The following UBE4B variants were observed in gnomAD, a reference collection of about 807,000 sequenced individuals.
UBE4B encodes ubiquitin conjugation factor E4 B.
UBE4B carries 27 observed loss-of-function variants against 148.1 expected under a neutral mutation model. That is an observed-to-expected ratio of 0.18 (90% CI 0.13 to 0.25). The LOEUF (loss-of-function observed/expected upper bound fraction) is 0.25, where lower values mean the gene tolerates loss of function less well. Ranked by LOEUF, UBE4B falls within the 10% of genes least tolerant of loss-of-function variation. The pLI, the probability that UBE4B is intolerant of heterozygous loss-of-function variation, is 1.00. For missense variants in UBE4B, 1,170 were observed against 1,662.4 expected (o/e 0.70, Z 5.15); for synonymous variants, 596 against 619.3 (o/e 0.96, Z 0.56).
chr1:10,140,912 A>C (rs994847821), intron 17 of UBE4B, among the ~76,000 whole-genome samples: 1 of 152,224 alleles, frequency 6.6e-6, no homozygotes, highest in Non-Finnish European at 1.5e-5. Flanking sequence ...AGCTTCATTC[A>C]GTATAGGTCA....
chr1:10,049,380 C>T (rs945010640), intron 1 of UBE4B, among the ~76,000 whole-genome samples: 2 of 151,912 alleles, frequency 1.3e-5, no homozygotes, highest in African/African-American at 4.8e-5. Flanking sequence ...GCAGTTAATT[C>T]TGATGGGGAA....
intron 25 of UBE4B, among the ~76,000 whole-genome samples, chr1:10,178,383 C>G (rs1646458389): frequency 6.6e-6 from 1 of 152,124 alleles, no homozygotes; most frequent in Non-Finnish European, 1.5e-5. Context: ...TCCTGCAGCC[C>G]TCTCCAGAGG....
Position 10,161,999 on chromosome 1 carries a change from C to CTTTTTTTTTTTTTTTT in UBE4B, c.3198+714_3198+729dup, listed in dbSNP as rs764089127. Among the ~76,000 whole-genome samples the CTTTTTTTTTTTTTTTT allele has an allele frequency of 7.3e-6, 1 of 137,262 alleles. No individual in the cohort carries two copies. The highest frequency in any genetic ancestry group is 2.7e-5 in the African/African-American group (1 of 37,436). 90.0% of individuals were successfully genotyped at this position (137,262 alleles called of 152,430 possible). ...GGGGACTGCTTTTTCTTCACTTTTT[C>CTTTTTTTTTTTTTTTT]TTTTTTTTTTTTTTTTGAGACGGAG... On this transcript the variant is annotated intron_variant, in intron 23 of 27. Coordinates refer to ENST00000343090, the MANE Select transcript of UBE4B (RefSeq NM_001105562.3). The surrounding 1 kb of genome is among the most constrained non-coding windows in gnomAD (Gnocchi z 4.1).
intron 25 of UBE4B, among the ~76,000 whole-genome samples, chr1:10,176,875 T>A (rs1005152681): frequency 7.0e-6 from 1 of 142,274 alleles, no homozygotes; most frequent in African/African-American, 2.6e-5. Flanking sequence ...AACCTCCACC[T>A]CCCAGATTCA....
intron 4 of UBE4B, among the ~76,000 whole-genome samples, chr1:10,101,498 C>CTTTTTTTT (rs34066776): frequency 3.6e-5 from 2 of 56,178 alleles, no homozygotes; most frequent in Non-Finnish European, 6.5e-5. Context: ...TGGTCTTTTG[C>CTTTTTTTT]TTTTTTTTTT....
intron 1 of UBE4B, among the ~76,000 whole-genome samples, chr1:10,038,739 C>G (rs949726435): frequency 1.3e-5 from 2 of 152,140 alleles, no homozygotes; most frequent in Non-Finnish European, 2.9e-5. Context: ...ATGATGTGAT[C>G]AGGGCTTTTG....
chr1:10,071,966 C>T, intron 1 of UBE4B, 62 bp from the exon 2 acceptor site: 2 of 1,470,474 alleles, frequency 1.4e-6, no homozygotes, highest in Non-Finnish European at 1.8e-6. Flanking sequence ...TAATGTCATT[C>T]TCTGGCAGAA....
chr1:10,157,313 G>A (rs967130682), intron 21 of UBE4B, among the ~76,000 whole-genome samples: 12 of 150,808 alleles, frequency 8.0e-5, no homozygotes, highest in African/African-American at 2.2e-4. Flanking sequence ...GAGCCACCAC[G>A]CTCAGCCATA....
intron 10 of UBE4B, among the ~76,000 whole-genome samples, chr1:10,124,134 C>T (rs1557574953): frequency 6.6e-6 from 1 of 151,968 alleles, no homozygotes; most frequent in South Asian, 2.1e-4. Flanking sequence ...CAGTGTTATA[C>T]GACCACCACA....
intron 3 of UBE4B, among the ~76,000 whole-genome samples, chr1:10,096,073 C>T (rs1381969234): frequency 2.0e-5 from 3 of 152,068 alleles, no homozygotes; most frequent in Admixed American, 2.0e-4. Context: ...GCGTGGCCCA[C>T]TATACTTGCA....
intron 1 of UBE4B, among the ~76,000 whole-genome samples, chr1:10,043,618 C>T (rs962050330): frequency 6.6e-6 from 1 of 151,378 alleles, no homozygotes; most frequent in East Asian, 2.0e-4. Context: ...TTAGTAGAGA[C>T]GGGGTTTCAC....
At chr1:10,152,574 G>A (rs1435318397) in intron 21 of UBE4B, among the ~76,000 whole-genome samples, 1 of 151,804 alleles carries the variant, frequency 6.6e-6, no homozygotes, top group East Asian at 1.9e-4. Context: ...GAGGCGGGTG[G>A]ATCACCTGAG....
intron 2 of UBE4B, among the ~76,000 whole-genome samples, chr1:10,084,228 T>C (rs999378176): frequency 3.9e-5 from 6 of 152,220 alleles, no homozygotes; most frequent in African/African-American, 1.4e-4. Flanking sequence ...TGAGAGTGAT[T>C]TCTATACCAT....
intron 11 of UBE4B, among the ~76,000 whole-genome samples, chr1:10,128,111 G>A (rs1645531298): frequency 6.6e-6 from 1 of 152,134 alleles, no homozygotes; most frequent in Non-Finnish European, 1.5e-5. Context: ...TAATCTGATT[G>A]TTTGAGTTCA....
chr1:10,071,961 T>C (rs1644493656), intron 1 of UBE4B, 67 bp from the exon 2 acceptor site: 16 of 1,465,204 alleles, frequency 1.1e-5, no homozygotes, highest in South Asian at 1.4e-5. Flanking sequence ...ATGAATAATG[T>C]CATTCTCTGG....
chr1:10,148,239 A>G (rs1645909829), intron 19 of UBE4B, among the ~76,000 whole-genome samples: 1 of 151,822 alleles, frequency 6.6e-6, no homozygotes, highest in Non-Finnish European at 1.5e-5. Context: ...AAAAAAAAAA[A>G]ATGTGTGTAG....
At chr1:10,052,686 G>A (rs1008059034) in intron 1 of UBE4B, among the ~76,000 whole-genome samples, 1 of 152,138 alleles carries the variant, frequency 6.6e-6, no homozygotes, top group African/African-American at 2.4e-5. Flanking sequence ...ATTTGTCATG[G>A]GGCCCTGAAC....
intron 4 of UBE4B, among the ~76,000 whole-genome samples, chr1:10,102,157 A>G (rs1288261181): frequency 6.6e-6 from 1 of 152,128 alleles, no homozygotes; most frequent in Non-Finnish European, 1.5e-5. Flanking sequence ...CTAGTGGTGC[A>G]GTGCTTTATT....
chr1:10,035,868 C>G (rs970272966), intron 1 of UBE4B, among the ~76,000 whole-genome samples: 4 of 147,414 alleles, frequency 2.7e-5, no homozygotes, highest in East Asian at 4.1e-4. Flanking sequence ...CTCAGCCTCC[C>G]GAGTAGCTGG....
Sources: allele counts gnomAD v4.1 joint callset (sites outside exome capture counted in the v4.1 genomes callset), GRCh38; gene constraint gnomAD v4.1.1; non-coding constraint Gnocchi (gnomAD v3.1); transcripts MANE v1.5; gene names NCBI Gene and HGNC (gene_info 2026-07-23, HGNC 2026-07-21).